The following PLEKHA5 variants were observed in gnomAD, a reference collection of about 807,000 sequenced individuals.
PLEKHA5 encodes pleckstrin homology domain containing A5.
PLEKHA5 carries 55 observed loss-of-function variants against 181.9 expected under a neutral mutation model. The observed-to-expected ratio is 0.30, with a 90% confidence interval of 0.24 to 0.38. The LOEUF (loss-of-function observed/expected upper bound fraction) is 0.38, where lower values mean the gene tolerates loss of function less well. Among genes scored for constraint, PLEKHA5 ranks in the 10% least tolerant of loss-of-function variants. The pLI is 1.00. For synonymous variants in PLEKHA5, 535 were observed against 529.4 expected, an observed-to-expected ratio of 1.01 and a Z score of -0.15; for missense variants, 1,432 against 1,549.5, an observed-to-expected ratio of 0.92 and a Z score of 1.27.
intron 3 of PLEKHA5, among the ~76,000 whole-genome samples, chr12:19,144,876 T>A (rs2038477116): frequency 6.6e-6 from 1 of 152,202 alleles, no homozygotes; most frequent in Non-Finnish European, 1.5e-5. Flanking sequence ...TAAGCCCAAA[T>A]ATTTTAAAAA....
intron 3 of PLEKHA5, among the ~76,000 whole-genome samples, chr12:19,250,128 T>A (rs1156634537): frequency 1.3e-5 from 2 of 152,080 alleles, no homozygotes; most frequent in Non-Finnish European, 2.9e-5. Flanking sequence ...ATCACCCAAT[T>A]GAGAACCACT....
chr12:19,328,586 TG>T lies in PLEKHA5; in HGVS notation c.2448+5920del, dbSNP rs2092510821. On this transcript the variant is annotated intron_variant, in intron 20 of 31. Transcript: ENST00000429027. Reference sequence around the variant, plus strand: ...GTGTGTGTGTGTGTGTGTGTGTGTGTGTGTGTGTGTGTATTGTAAATGGAAT... The same window carrying T: ...GTGTGTGTGTGTGTGTGTGTGTGTGTTGTGTGTGTGTATTGTAAATGGAAT... Among the ~76,000 whole-genome samples, 20 of 151,264 alleles carry T rather than the reference TG, an allele frequency of 1.3e-4. 1 individual carries two copies. Among genetic ancestry groups the T allele is most frequent in the Admixed American group, 1.1e-3 (17 of 15,088 alleles).
intron 1 of PLEKHA5, 58 bp downstream of exon 1, chr12:19,129,946 G>A (rs1467521915): frequency 1.3e-6 from 2 of 1,510,954 alleles, no homozygotes; most frequent in East Asian, 2.4e-5. Flanking sequence ...GAGGCGGGCG[G>A]CTGGCGACAC....
intron 23 of PLEKHA5, 149 bp downstream of exon 23, chr12:19,346,037 A>C (rs2094309706): frequency 2.1e-6 from 1 of 470,074 alleles, no homozygotes; most frequent in South Asian, 3.7e-5. Flanking sequence ...TTATTGGATC[A>C]GTAATTTGGT....
At chr12:19,152,400 CATAG>C (rs1344330416) in intron 3 of PLEKHA5, 2 of 152,156 alleles carry the variant, frequency 1.3e-5, no homozygotes, top group South Asian at 4.1e-4. Context: ...ACTCTAGGCT[CATAG>C]ATAGAGACTG....
chr12:19,149,025 T>G (rs577372066), intron 3 of PLEKHA5, among the ~76,000 whole-genome samples: 2 of 152,198 alleles, frequency 1.3e-5, no homozygotes, highest in African/African-American at 4.8e-5. Context: ...TGTGAGTCTT[T>G]ACTGTATATA....
intron 3 of PLEKHA5, 73 bp downstream of exon 3, chr12:19,132,523 A>G (rs2034233674): frequency 1.3e-6 from 1 of 771,774 alleles, no homozygotes; most frequent in East Asian, 2.6e-5. Context: ...GAATAGTTGT[A>G]TGTCCAGTCT....
chr12:19,368,042 G>T (rs376303074), intron 30 of PLEKHA5, among the ~76,000 whole-genome samples: 1 of 151,666 alleles, frequency 6.6e-6, no homozygotes, highest in Admixed American at 6.6e-5. Flanking sequence ...AACATCTTCC[G>T]TATCTTATAT....
chr12:19,152,497 T>TTAA (rs1169213934), intron 3 of PLEKHA5: 1 of 152,220 alleles, frequency 6.6e-6, no homozygotes, highest in Admixed American at 6.5e-5. Context: ...GCAAGGCAGG[T>TTAA]TAAAATAATC....
chr12:19,214,670 G>A (rs1331387232), intron 3 of PLEKHA5, among the ~76,000 whole-genome samples: 1 of 152,032 alleles, frequency 6.6e-6, no homozygotes, highest in Non-Finnish European at 1.5e-5. Context: ...ATTTGCTTGG[G>A]GCATGGGAGT....
intron 12 of PLEKHA5, among the ~76,000 whole-genome samples, chr12:19,285,152 A>C (rs1257938531): frequency 6.6e-6 from 1 of 152,224 alleles, no homozygotes; most frequent in African/African-American, 2.4e-5. Context: ...ACTCCATCGT[A>C]ACAAAGTTCA....
At chr12:19,148,865 T>C (rs961531800) in intron 3 of PLEKHA5, among the ~76,000 whole-genome samples, 1 of 152,168 alleles carries the variant, frequency 6.6e-6, no homozygotes, top group Admixed American at 6.6e-5. Context: ...CACCTAGTCA[T>C]CTGGATTTTT....
chr12:19,239,141 G>A (rs761657345), intron 3 of PLEKHA5, among the ~76,000 whole-genome samples: 20 of 152,212 alleles, frequency 1.3e-4, no homozygotes, highest in Non-Finnish European at 1.9e-4. Context: ...ATTTCAACAC[G>A]AAGAAATGAA....
chr12:19,208,414 A>AAG (rs1331329636), intron 3 of PLEKHA5, among the ~76,000 whole-genome samples: 1 of 84,596 alleles, frequency 1.2e-5, no homozygotes, highest in African/African-American at 2.8e-5. Context: ...TCTCAAAAAA[A>AAG]AAAAAAAGTT....
At chr12:19,248,143 A>G (rs1292218863) in intron 3 of PLEKHA5, among the ~76,000 whole-genome samples, 1 of 152,124 alleles carries the variant, frequency 6.6e-6, no homozygotes, top group African/African-American at 2.4e-5. Flanking sequence ...GGACTGCATG[A>G]ACTTGGGAGG....
At chr12:19,135,262 T>G (rs1009001345) in intron 3 of PLEKHA5, among the ~76,000 whole-genome samples, 2 of 152,142 alleles carry the variant, frequency 1.3e-5, no homozygotes, top group African/African-American at 4.8e-5. Context: ...GTATTGACAC[T>G]TGCATCTCTG....
chr12:19,348,602 C>T, intron 25 of PLEKHA5, 83 bp downstream of exon 25: 2 of 1,042,516 alleles, frequency 1.9e-6, no homozygotes, highest in Non-Finnish European at 2.7e-6. Context: ...ATTCCATTTA[C>T]ATGTTGACTC....
intron 21 of PLEKHA5, among the ~76,000 whole-genome samples, chr12:19,339,434 C>T (rs2093694273): frequency 1.3e-5 from 2 of 152,064 alleles, no homozygotes; most frequent in African/African-American, 4.8e-5. Context: ...CCAGATTTAA[C>T]CTGCCAAAAA....
intron 20 of PLEKHA5, among the ~76,000 whole-genome samples, chr12:19,326,145 A>G (rs1216298486): frequency 2.0e-5 from 3 of 152,174 alleles, no homozygotes; most frequent in Admixed American, 2.0e-4. Context: ...GCCTTCAACA[A>G]TAATCAGTGG....
Sources: allele counts gnomAD v4.1 joint callset (sites outside exome capture counted in the v4.1 genomes callset), GRCh38; gene constraint gnomAD v4.1.1; transcripts MANE v1.5; gene names NCBI Gene and HGNC (gene_info 2026-07-23, HGNC 2026-07-21).